SLC47A2: variants seen among roughly 807,000 people sequenced by gnomAD.
SLC47A2 encodes the protein solute carrier family 47 member 2.
A neutral mutation model predicts 67.7 loss-of-function variants in SLC47A2; 52 were observed. The observed-to-expected ratio is 0.77, with a 90% CI of 0.61 to 0.97. The LOEUF is 0.97. Ranked by LOEUF, SLC47A2 falls within the 50% of genes least tolerant of loss-of-function variation. The pLI is 0.00. For missense variants in SLC47A2, 676 were observed against 712.3 expected, an observed-to-expected ratio of 0.95 and a Z score of 0.58; for synonymous variants, 278 against 292.9, an observed-to-expected ratio of 0.95 and a Z score of 0.52.
rs1254820120 is a variant in SLC47A2, at chr17:19,713,890, G to C, written c.378C>G (p.Cys126Trp). The C allele has an allele frequency of 6.2e-7, 1 of 1,613,872 alleles. No homozygotes were observed. Among genetic ancestry groups the C allele is most frequent in the Non-Finnish European group, 8.5e-7 (1 of 1,179,930 alleles). ...GCTGGGTGTTGAGGAAGAGCGCCCA[G>C]CAAGGGAGGCAGCAGAGGAGCAGGA... Reference protein sequence around the residue: ...ALVLLLCCLPCWALFLNTQHI... With the variant: ...ALVLLLCCLPWWALFLNTQHI... Residue 126 changes from cysteine (C) to tryptophan (W), a missense_variant, in exon 4 of 17, where the codon TGC (cysteine) becomes TGG (tryptophan). Transcript: ENST00000433844.
intron 1 of SLC47A2, 32 bp from the exon 2 acceptor site, chr17:19,715,249 C>A (rs2086221978): frequency 1.9e-6 from 3 of 1,579,104 alleles, no homozygotes; most frequent in Non-Finnish European, 2.6e-6. Flanking sequence ...AGACTCGGGG[C>A]CACAGGTGCC....
intron 10 of SLC47A2, chr17:19,704,525 TG>T: frequency 1.0e-6 from 1 of 1,004,330 alleles, no homozygotes; most frequent in Admixed American, 2.9e-5. Context: ...AAAAGCTCCC[TG>T]TAAGAAAAAA....
At chr17:19,695,853 A>C (rs1158126158) in intron 13 of SLC47A2, among the ~76,000 whole-genome samples, 3 of 151,810 alleles carry the variant, frequency 2.0e-5, no homozygotes, top group Non-Finnish European at 4.4e-5. Context: ...CCTCCTGAGT[A>C]GCTGGGATTA....
In SLC47A2 at chr17:19,711,879, G is replaced by A. The variant is rs537897545; in HGVS notation, c.486+824C>T. Among the ~76,000 whole-genome samples the A allele has an allele frequency of 2.9e-4, 44 of 151,888 alleles. No homozygotes were observed. In the East Asian group the frequency reaches 7.5e-3, roughly 26 times the overall value. ...CCACAAATCTTATTTATAATAGTTC[G>A]TATTATAAATAGAGATTGGTTAATA... is the stretch of plus-strand genomic sequence containing the variant. On this transcript the variant is annotated intron_variant, in intron 5 of 16. Transcript: ENST00000433844.
chr17:19,703,082 G>T lies in SLC47A2; in HGVS notation c.1094+10C>A. On this transcript the variant is annotated intron_variant, in intron 12 of 16. Transcript: ENST00000433844. ...TTTCCAAGAGTCAGCACAGAAAACT[G>T]ATTACCTACTCATCATTGGTAAAAA... is the stretch of plus-strand genomic sequence containing the variant. 1 of 1,612,946 alleles carries T rather than the reference G, an allele frequency of 6.2e-7. No individual in the cohort carries two copies. Among genetic ancestry groups the T allele is most frequent in the South Asian group, 1.1e-5 (1 of 91,026 alleles).
intron 8 of SLC47A2, 26 bp downstream of exon 8, chr17:19,707,720 C>T: frequency 1.3e-6 from 2 of 1,557,250 alleles, no homozygotes; most frequent in Non-Finnish European, 8.7e-7. Flanking sequence ...CCTGCTCAGC[C>T]TCCCAGAGCA....
intron 4 of SLC47A2, among the ~76,000 whole-genome samples, chr17:19,713,525 C>T (rs569731904): frequency 2.6e-5 from 4 of 152,354 alleles, no homozygotes; most frequent in African/African-American, 9.6e-5. Flanking sequence ...ATCTGTAAAG[C>T]TCCAACTGTG....
chr17:19,680,218 C>T (rs2085283895), intron 15 of SLC47A2, among the ~76,000 whole-genome samples, 179 bp from the exon 16 acceptor site: 1 of 152,176 alleles, frequency 6.6e-6, no homozygotes, highest in African/African-American at 2.4e-5. Flanking sequence ...TGGCTCACAC[C>T]TGTAATCCCA....
chr17:19,710,395 A>G (rs2152358694), intron 5 of SLC47A2, among the ~76,000 whole-genome samples: 1 of 152,384 alleles, frequency 6.6e-6, no homozygotes, highest in East Asian at 1.9e-4. Flanking sequence ...ATGTAAAAAT[A>G]GAAACCCTGG....
chr17:19,683,368 G>A (rs2085356341), intron 13 of SLC47A2, among the ~76,000 whole-genome samples: 1 of 152,184 alleles, frequency 6.6e-6, no homozygotes, highest in African/African-American at 2.4e-5. Context: ...TAGTGCTGAG[G>A]TTGAGAAACT....
intron 13 of SLC47A2, among the ~76,000 whole-genome samples, chr17:19,701,232 T>G (rs1027280299): frequency 2.0e-5 from 3 of 151,838 alleles, no homozygotes; most frequent in Non-Finnish European, 4.4e-5. Context: ...ATAAAGTAGT[T>G]TCATTTAATG....
chr17:19,685,358 G>A lies in SLC47A2; in HGVS notation c.1165-3688C>T, dbSNP rs1433438191. ...CCTGGCCACCCCATCTGGGAAGTGA[G>A]GCGCGCCTCTGCCTGGCTGCCACCA... On this transcript the variant is annotated intron_variant, in intron 13 of 16. Transcript: ENST00000433844. The surrounding 1 kb of genome is among the most constrained non-coding windows in gnomAD (Gnocchi z 4.5). Among the ~76,000 whole-genome samples, 2 of 151,934 alleles carry A rather than the reference G, an allele frequency of 1.3e-5. No homozygotes were observed. Among genetic ancestry groups the A allele is most frequent in the African/African-American group, 4.8e-5 (2 of 41,358 alleles).
At position 19,708,485 on chromosome 17, in the gene SLC47A2, T is replaced by G. The variant is rs777288766; in HGVS notation, c.532-86A>C. 1.9e-6 allele frequency: 3 copies of G among 1,614,062 alleles called. No homozygotes were observed. The East Asian group carries it at 6.7e-5, about 36-fold the overall frequency. On this transcript the variant is annotated intron_variant, in intron 6 of 16. Transcript: ENST00000433844. ...ACCCGGGGTTTGGAATGGGGACTCC[T>G]CCTCCTGCCCCTTCAGCCATCCCTG...
At chr17:19,704,007 T>C (rs982123368) in intron 11 of SLC47A2, 63 bp downstream of exon 11, 2 of 1,312,956 alleles carry the variant, frequency 1.5e-6, no homozygotes, top group Non-Finnish European at 2.1e-6. Context: ...CCAGCCTTCC[T>C]GTGGCCCAGG....
At chr17:19,695,033 A>G (rs2085628781) in intron 13 of SLC47A2, among the ~76,000 whole-genome samples, 5 of 152,004 alleles carry the variant, frequency 3.3e-5, no homozygotes, top group Admixed American at 3.3e-4. Context: ...GTTCTTATAT[A>G]TAAAATAGCA....
At position 19,714,726 on chromosome 17, in the gene SLC47A2, A is replaced by G. The variant is rs773831839; in HGVS notation, c.289T>C (p.Ser97Pro). ...GLSSACDTLM[S>P]QSFGSPNKKH... The stretch of plus-strand genomic sequence containing the variant: ...AGCTCCAGGAGGCCACCCACCTGAG[A>G]CATCAAGGTGTCACATGCCGAAGAC... Residue 97 changes from serine (S) to proline (P), a missense_variant, in exon 3 of 17, where the codon TCT becomes CCT. Transcript: ENST00000433844. The G allele has an allele frequency of 4.3e-6, 7 of 1,614,058 alleles. No homozygotes were observed. The East Asian group carries it at 1.6e-4, about 36-fold the overall frequency.
rs2085315207 is a variant in SLC47A2, at chr17:19,681,574, T to C, written c.1261A>G (p.Ile421Val). Residue 421 changes from isoleucine (I) to valine (V), a missense_variant, in exon 14 of 17, where the codon ATC becomes GTC. Coordinates refer to ENST00000433844, the MANE Select transcript of SLC47A2 (RefSeq NM_001099646.3). ...TYYIIGLPLG[I>V]LLTFVVRMRI... ...ATTCTGACCACAAAGGTCAGAAGGA[T>C]GCCCAGTGGTAGGCCGATGATGTAA... 1.2e-6 allele frequency: 2 copies of C among 1,614,114 alleles called. No individual in the cohort carries two copies. The highest frequency in any genetic ancestry group is 1.1e-5 in the South Asian group (1 of 91,078).
At chr17:19,696,826 G>A (rs909370324) in intron 13 of SLC47A2, among the ~76,000 whole-genome samples, 7 of 152,180 alleles carry the variant, frequency 4.6e-5, no homozygotes, top group African/African-American at 1.2e-4. Context: ...TTTGGCTCAC[G>A]GTTCTGGAGG....
chr17:19,682,365 A>AC lies in SLC47A2; in HGVS notation c.1165-696_1165-695insG, dbSNP rs55725189. On this transcript the variant is annotated intron_variant, in intron 13 of 16. Coordinates refer to ENST00000433844, the MANE Select transcript of SLC47A2 (RefSeq NM_001099646.3). The stretch of plus-strand genomic sequence containing the variant: ...CACACACACACACACACACACACAC[A>AC]AATTTATTATTTTATTTTACAGTTC... Among the ~76,000 whole-genome samples the AC allele has an allele frequency of 5.8e-3, 859 of 147,306 alleles. 8 individuals carry two copies. The highest frequency in any genetic ancestry group is 0.046 in the East Asian group (236 of 5,148).
Sources: gnomAD v4.1 joint callset for allele counts (sites outside exome capture counted in the v4.1 genomes callset) on GRCh38, gnomAD v4.1.1 for gene constraint, Gnocchi (gnomAD v3.1) non-coding constraint, MANE v1.5 for transcripts, NCBI Gene and HGNC (gene_info 2026-07-23, HGNC 2026-07-21) for gene names.